RXRA: variants seen among roughly 807,000 people sequenced by gnomAD.
The protein encoded by RXRA is retinoid X receptor alpha, also known as retinoic acid receptor RXR-alpha.
In RXRA, 5 loss-of-function variants were observed where a neutral mutation model predicts 44.5. That is an observed-to-expected ratio of 0.11 (90% CI 0.06 to 0.24). The LOEUF (loss-of-function observed/expected upper bound fraction) is 0.24. Ranked by LOEUF, RXRA falls within the 10% of genes least tolerant of loss-of-function variation. The pLI is 1.00. For missense variants in RXRA, 412 were observed against 646.5 expected, an observed-to-expected ratio of 0.64 and a Z score of 3.93; for synonymous variants, 291 against 271.4, an observed-to-expected ratio of 1.07 and a Z score of -0.71.
intron 1 of RXRA, among the ~76,000 whole-genome samples, chr9:134,373,678 T>TAG (rs908895164): frequency 1.5e-4 from 23 of 152,154 alleles, no homozygotes; most frequent in Non-Finnish European, 4.4e-5. Context: ...GGGTTGTAGC[T>TAG]GGAGGGAGGT....
chr9:134,421,975 C>T (rs1300693777), intron 6 of RXRA, 170 bp downstream of exon 6: 2 of 1,502,174 alleles, frequency 1.3e-6, no homozygotes, highest in Non-Finnish European at 1.8e-6. Context: ...TCTCCTGGGA[C>T]ACACTCCTAC....
chr9:134,424,618 C>T (rs1831403457), intron 6 of RXRA: 12 of 985,464 alleles, frequency 1.2e-5, no homozygotes, highest in Non-Finnish European at 1.4e-5. Context: ...CAGCAGCTCA[C>T]CCATCAGGTG....
intron 1 of RXRA, among the ~76,000 whole-genome samples, chr9:134,328,381 G>A (rs1554746268): frequency 6.6e-6 from 1 of 152,142 alleles, no homozygotes; most frequent in African/African-American, 2.4e-5. Context: ...GGGGTGCCCA[G>A]TCGCCATGGT....
chr9:134,370,373 GCT>G (rs1830476638), intron 1 of RXRA, among the ~76,000 whole-genome samples: 1 of 152,228 alleles, frequency 6.6e-6, no homozygotes, highest in Admixed American at 6.5e-5. Context: ...TCCCTGCCCG[GCT>G]GGTTCCAAGG....
intron 1 of RXRA, among the ~76,000 whole-genome samples, chr9:134,359,543 T>C (rs1263256327): frequency 6.6e-6 from 1 of 152,152 alleles, no homozygotes; most frequent in African/African-American, 2.4e-5. Flanking sequence ...CTTTGCCTGC[T>C]TGGAGGGTGA....
At chr9:134,370,882 C>T (rs1440587067) in intron 1 of RXRA, among the ~76,000 whole-genome samples, 3 of 152,194 alleles carry the variant, frequency 2.0e-5, no homozygotes, top group East Asian at 1.9e-4. Context: ...GCTGGCCCGG[C>T]GGGTGGCTGC....
intron 1 of RXRA, among the ~76,000 whole-genome samples, chr9:134,361,610 C>T (rs559168118): frequency 2.0e-4 from 30 of 152,314 alleles, no homozygotes; most frequent in East Asian, 1.9e-3. Context: ...CGTCAGTGGC[C>T]GTCGCCCGTC....
intron 1 of RXRA, among the ~76,000 whole-genome samples, chr9:134,387,370 G>C (rs1473390421): frequency 2.6e-5 from 4 of 152,266 alleles, no homozygotes; most frequent in Non-Finnish European, 4.4e-5. Context: ...GACAGGCTCA[G>C]TGCCGTGGAG....
intron 1 of RXRA, among the ~76,000 whole-genome samples, chr9:134,395,783 T>C (rs11103473): frequency 6.6e-6 from 1 of 152,106 alleles, no homozygotes. Flanking sequence ...GGGTCTCTCC[T>C]AACTATTCAG....
At chr9:134,430,600 A>C (rs766270194) in intron 7 of RXRA, among the ~76,000 whole-genome samples, 1 of 151,376 alleles carries the variant, frequency 6.6e-6, no homozygotes, top group Non-Finnish European at 1.5e-5. Flanking sequence ...TCTTTGCCGC[A>C]GGACTTGTCA....
intron 1 of RXRA, among the ~76,000 whole-genome samples, chr9:134,384,676 G>GGGCC (rs1830693276): frequency 6.6e-6 from 1 of 152,180 alleles, no homozygotes; most frequent in Non-Finnish European, 1.5e-5. Flanking sequence ...GGGCTGTACT[G>GGGCC]GGCCGTCACC....
chr9:134,335,874 G>T (rs1829994167), intron 1 of RXRA, among the ~76,000 whole-genome samples: 1 of 152,138 alleles, frequency 6.6e-6, no homozygotes, highest in South Asian at 2.1e-4. Flanking sequence ...GTGCCCTGTG[G>T]TCCTGCCTTG....
chr9:134,416,190 G>T (rs1054421494), intron 4 of RXRA, among the ~76,000 whole-genome samples: 1 of 152,200 alleles, frequency 6.6e-6, no homozygotes, highest in African/African-American at 2.4e-5. Flanking sequence ...TGACAGAGGG[G>T]CTGAGGTGGC....
At chr9:134,384,288 G>A (rs1038769076) in intron 1 of RXRA, among the ~76,000 whole-genome samples, 1 of 152,202 alleles carries the variant, frequency 6.6e-6, no homozygotes, top group African/African-American at 2.4e-5. Flanking sequence ...CCTCCTCGCT[G>A]TCACCCCAGG....
At chr9:134,436,069 C>T (rs1437727983) in intron 9 of RXRA, among the ~76,000 whole-genome samples, 1 of 152,238 alleles carries the variant, frequency 6.6e-6, no homozygotes, top group African/African-American at 2.4e-5. Flanking sequence ...TGGTCTCGAA[C>T]TCCTGGCCTC....
intron 1 of RXRA, among the ~76,000 whole-genome samples, chr9:134,347,337 G>T (rs1266686103): frequency 6.6e-6 from 1 of 152,256 alleles, no homozygotes; most frequent in Non-Finnish European, 1.5e-5. Context: ...CCCTGCCGCG[G>T]TGTTGACCAA....
In RXRA at chr9:134,425,820, G is replaced by A. The variant is rs186753856; in HGVS notation, c.911-3288G>A. 23 of 985,358 alleles carry A rather than the reference G, an allele frequency of 2.3e-5. No homozygotes were observed. The East Asian group carries it at 7.9e-4, about 34-fold the overall frequency. The allele number at this position is 985,358 out of a possible 1,614,324, so 61.0% of individuals were successfully genotyped here. A position where few individuals can be genotyped will look rare whatever the true frequency, so the allele number is the denominator to read the frequency against. ...GGACAGCAGCCGTGACTCTGGGGGGGCCCTGCCCTGCCTTGTGAGTGTGGA... is the reference window on the plus strand; with the variant it reads ...GGACAGCAGCCGTGACTCTGGGGGGACCCTGCCCTGCCTTGTGAGTGTGGA... On this transcript the variant is annotated intron_variant, in intron 6 of 9. Transcript: ENST00000481739.
intron 7 of RXRA, among the ~76,000 whole-genome samples, chr9:134,430,860 C>T (rs998079036): frequency 3.3e-5 from 5 of 152,222 alleles, no homozygotes; most frequent in Non-Finnish European, 4.4e-5. Flanking sequence ...GGCATTTCCT[C>T]GCCTTTTTTG....
chr9:134,328,499 T>TCGAGCAGCAGCTCTCCCGAC (rs1834950903), intron 1 of RXRA, among the ~76,000 whole-genome samples: 1 of 152,142 alleles, frequency 6.6e-6, no homozygotes, highest in African/African-American at 2.4e-5. Context: ...TCTTCTGTTC[T>TCGAGCAGCAGCTCTCCCGAC]CGAGCAGCAG....
Sources: allele counts gnomAD v4.1 joint callset (sites outside exome capture counted in the v4.1 genomes callset), GRCh38; gene constraint gnomAD v4.1.1; transcripts MANE v1.5; gene names NCBI Gene and HGNC (gene_info 2026-07-23, HGNC 2026-07-21).